The following TTC28 variants were observed in gnomAD, a reference collection of about 807,000 sequenced individuals.
TTC28 encodes the protein tetratricopeptide repeat protein 28.
In TTC28, 61 loss-of-function variants were observed where a neutral mutation model predicts 198.0. The observed-to-expected ratio is 0.31, with a 90% CI of 0.25 to 0.38. TTC28 has a LOEUF of 0.38. TTC28 is among the 10% of genes least tolerant of loss of function. TTC28 has a pLI of 1.00. For missense variants in TTC28, 2,678 were observed against 3,164.0 expected, an observed-to-expected ratio of 0.85 and a Z score of 3.69; for synonymous variants, 1,171 against 1,297.8, an observed-to-expected ratio of 0.90 and a Z score of 2.10.
Position 27,980,850 on chromosome 22 carries a change from A to T in TTC28, c.*1371T>A, listed in dbSNP as rs960877930. ...CTTGTCTTGCCTCAAGCTGGCAACA[A>T]TTTAAGTTACCGTCAGAGCTGTAGG... On this transcript the variant is annotated 3_prime_UTR_variant, in exon 23 of 23. Transcript: ENST00000397906. 1 of 152,238 alleles carries T rather than the reference A, an allele frequency of 6.6e-6. No homozygotes were observed. The highest frequency in any genetic ancestry group is 1.5e-5 in the Non-Finnish European group (1 of 68,054). 9.4% of individuals were successfully genotyped at this position (152,238 alleles called of 1,614,324 possible).
At chr22:28,151,298 T>C (rs1475755439) in intron 6 of TTC28, among the ~76,000 whole-genome samples, 1 of 152,184 alleles carries the variant, frequency 6.6e-6, no homozygotes, top group Non-Finnish European at 1.5e-5. Context: ...AAGTGCCAAC[T>C]GCCAAGCTGA....
At chr22:27,984,784 C>A (rs905836867) in intron 22 of TTC28, among the ~76,000 whole-genome samples, 1 of 152,208 alleles carries the variant, frequency 6.6e-6, no homozygotes, top group Non-Finnish European at 1.5e-5. Context: ...CAGCAGACTC[C>A]GTTGGTTCCA....
chr22:28,061,543 T>C (rs1047196149), intron 12 of TTC28, among the ~76,000 whole-genome samples: 7 of 152,222 alleles, frequency 4.6e-5, no homozygotes, highest in Non-Finnish European at 8.8e-5. Flanking sequence ...TGTGGCGTTA[T>C]ACCTGAGGGC....
chr22:28,460,752 G>A (rs569138233), intron 2 of TTC28, among the ~76,000 whole-genome samples: 1 of 152,140 alleles, frequency 6.6e-6, no homozygotes, highest in East Asian at 1.9e-4. Flanking sequence ...GGTGCAAACA[G>A]GGCTCCCTAC....
chr22:27,988,281 CT>C (rs138641), intron 21 of TTC28, among the ~76,000 whole-genome samples: 179 of 99,430 alleles, frequency 1.8e-3, no homozygotes, highest in African/African-American at 2.7e-3. Flanking sequence ...AAGAAGCTTG[CT>C]TTTTTTTTTT....
chr22:28,252,367 G>C (rs1930572397), intron 5 of TTC28, among the ~76,000 whole-genome samples: 1 of 152,200 alleles, frequency 6.6e-6, no homozygotes, highest in African/African-American at 2.4e-5. Flanking sequence ...GAGAATGGCT[G>C]CAAGATCAAG....
chr22:27,996,592 G>A (rs1301932707), intron 16 of TTC28, among the ~76,000 whole-genome samples: 1 of 152,168 alleles, frequency 6.6e-6, no homozygotes, highest in Non-Finnish European at 1.5e-5. Flanking sequence ...CTTTAGGGGG[G>A]AACACGTCAG....
At chr22:28,072,728 A>G (rs1464845022) in intron 12 of TTC28, among the ~76,000 whole-genome samples, 1 of 152,204 alleles carries the variant, frequency 6.6e-6, no homozygotes, top group African/African-American at 2.4e-5. Flanking sequence ...ATGCTATCAG[A>G]AGAAGAAAGT....
intron 2 of TTC28, among the ~76,000 whole-genome samples, chr22:28,585,653 C>A (rs2050303474): frequency 1.3e-5 from 2 of 152,102 alleles, no homozygotes; most frequent in South Asian, 2.1e-4. Flanking sequence ...CTGTAGTAAG[C>A]CTTATCTACA....
At chr22:28,265,968 C>T (rs1026460889) in intron 5 of TTC28, among the ~76,000 whole-genome samples, 2 of 151,930 alleles carry the variant, frequency 1.3e-5, no homozygotes, top group African/African-American at 2.4e-5. Context: ...TCACTTGAGT[C>T]CAGGAGTTCA....
intron 1 of TTC28, among the ~76,000 whole-genome samples, chr22:28,646,243 C>T (rs1475458580): frequency 6.6e-6 from 1 of 152,168 alleles, no homozygotes; most frequent in African/African-American, 2.4e-5. Context: ...AGATCAGTGG[C>T]ACTGCTATGC....
intron 2 of TTC28, among the ~76,000 whole-genome samples, chr22:28,341,317 C>G (rs1175494682): frequency 6.6e-6 from 1 of 152,092 alleles, no homozygotes; most frequent in Non-Finnish European, 1.5e-5. Flanking sequence ...CTTCCTGATT[C>G]TTTTCTTACA....
chr22:28,631,555 G>C (rs1176718231), intron 1 of TTC28, among the ~76,000 whole-genome samples: 34 of 152,092 alleles, frequency 2.2e-4, no homozygotes, highest in Admixed American at 2.2e-3. Flanking sequence ...ACAGGGTCTT[G>C]CTCTGTCACC....
At chr22:28,387,758 G>A (rs1229331146) in intron 2 of TTC28, among the ~76,000 whole-genome samples, 3 of 152,168 alleles carry the variant, frequency 2.0e-5, no homozygotes, top group Non-Finnish European at 2.9e-5. Context: ...TTTGTCAGAT[G>A]AGTAGGTTGC....
chr22:28,518,352 G>A (rs906297999), intron 2 of TTC28, among the ~76,000 whole-genome samples: 1 of 152,190 alleles, frequency 6.6e-6, no homozygotes, highest in East Asian at 1.9e-4. Flanking sequence ...ATGGTGGCTC[G>A]CATCTGTAAT....
chr22:27,988,939 G>A (rs555027853), intron 21 of TTC28, among the ~76,000 whole-genome samples: 3 of 152,326 alleles, frequency 2.0e-5, no homozygotes, highest in African/African-American at 7.2e-5. Context: ...CCAGTAGAGT[G>A]CAAGCTCTAG....
At chr22:28,587,644 A>G (rs1441855046) in intron 2 of TTC28, among the ~76,000 whole-genome samples, 1 of 151,700 alleles carries the variant, frequency 6.6e-6, no homozygotes, top group Non-Finnish European at 1.5e-5. Flanking sequence ...ATCGGGTTTC[A>G]CCATGTTGGC....
Position 28,608,842 on chromosome 22 carries a change from C to T in TTC28, c.381+20710G>A, listed in dbSNP as rs1232879953. On this transcript the variant is annotated intron_variant, in intron 2 of 22. Coordinates refer to ENST00000397906, the MANE Select transcript of TTC28 (RefSeq NM_001145418.2). ...ACCTGAGCAGACTTCAGTAGATACA[C>T]ATGACAAAGAATAGAGATTTTAAAG... Among the ~76,000 whole-genome samples the T allele has an allele frequency of 2.0e-5, 3 of 152,186 alleles. No individual in the cohort carries two copies. In the East Asian group the frequency reaches 5.8e-4, roughly 29 times the overall value.
chr22:28,211,807 C>T (rs906046423), intron 5 of TTC28, among the ~76,000 whole-genome samples: 3 of 152,144 alleles, frequency 2.0e-5, no homozygotes, highest in Admixed American at 6.5e-5. Context: ...GAACTCTCCA[C>T]CCCAAATCAA....
Sources: allele counts gnomAD v4.1 joint callset (sites outside exome capture counted in the v4.1 genomes callset), GRCh38; gene constraint gnomAD v4.1.1; transcripts MANE v1.5; gene names NCBI Gene and HGNC (gene_info 2026-07-23, HGNC 2026-07-21).